Variants in RBFOX1 observed in about 807,000 individuals in gnomAD.
The protein encoded by RBFOX1 is RNA binding protein fox-1 homolog 1.
RBFOX1 carries 8 observed loss-of-function variants against 57.7 expected under a neutral mutation model. That is an observed-to-expected ratio of 0.14 (90% CI 0.08 to 0.25). RBFOX1 has a LOEUF of 0.25. Among genes scored for constraint, RBFOX1 ranks in the 10% least tolerant of loss-of-function variants. The pLI, the probability that RBFOX1 is intolerant of heterozygous loss-of-function variation, is 1.00. For synonymous variants in RBFOX1, 326 were observed against 222.4 expected, an observed-to-expected ratio of 1.47 and a Z score of -4.15; for missense variants, 611 against 548.5, an observed-to-expected ratio of 1.11 and a Z score of -1.14.
At chr16:5,632,143 C>G (rs2048530609) in intron 3 of RBFOX1, among the ~76,000 whole-genome samples, 1 of 152,192 alleles carries the variant, frequency 6.6e-6, no homozygotes, top group East Asian at 1.9e-4. Flanking sequence ...ACACAGGATG[C>G]AGGTAAGCTA....
rs544827791 is a variant in RBFOX1 at position 5,950,890 on chromosome 16, G to T, written c.351+83555G>T. Among the ~76,000 whole-genome samples, 128 of 152,180 alleles carry T rather than the reference G, an allele frequency of 8.4e-4. 2 individuals carry two copies. Among genetic ancestry groups the T allele is most frequent in the South Asian group, 7.3e-3 (35 of 4,820 alleles). ...GGGAGCTAGGGGGAGATGGCATTAT[G>T]GGGGAGGGGCATCCAACCCAGGCCA... On this transcript the variant is annotated intron_variant, in intron 4 of 19. Transcript: ENST00000641259.
intron 13 of RBFOX1, among the ~76,000 whole-genome samples, chr16:7,668,882 G>A (rs1241202839): frequency 1.3e-5 from 2 of 152,114 alleles, no homozygotes; most frequent in African/African-American, 4.8e-5. Flanking sequence ...TAGATCTACA[G>A]AGTCTCTCAT....
chr16:5,550,131 C>G (rs2101375), intron 2 of RBFOX1, among the ~76,000 whole-genome samples: 1 of 152,204 alleles, frequency 6.6e-6, no homozygotes, highest in Non-Finnish European at 1.5e-5. Flanking sequence ...AAATTCACAT[C>G]TTCCAAACAA....
chr16:6,759,070 C>G (rs1360166978), intron 3 of RBFOX1, among the ~76,000 whole-genome samples: 1 of 151,878 alleles, frequency 6.6e-6, no homozygotes, highest in Admixed American at 6.6e-5. Flanking sequence ...CGTTATGAAA[C>G]AGAAAACAAG....
intron 3 of RBFOX1, among the ~76,000 whole-genome samples, chr16:5,786,343 C>A (rs1338806402): frequency 1.3e-5 from 2 of 152,124 alleles, no homozygotes; most frequent in Non-Finnish European, 2.9e-5. Flanking sequence ...GCCCTTCCAG[C>A]TGTCCCTTGA....
At chr16:6,689,442 T>C (rs1456341212) in intron 3 of RBFOX1, among the ~76,000 whole-genome samples, 2 of 152,170 alleles carry the variant, frequency 1.3e-5, no homozygotes, top group East Asian at 3.8e-4. Flanking sequence ...TTTTATATGG[T>C]AATTTCTTCT....
intron 4 of RBFOX1, among the ~76,000 whole-genome samples, chr16:7,420,196 A>T (rs1262469645): frequency 1.3e-5 from 2 of 152,088 alleles, no homozygotes; most frequent in African/African-American, 4.8e-5. Context: ...AATTATACAG[A>T]TGGGGCACAT....
At chr16:7,486,219 T>C (rs1599688733) in intron 4 of RBFOX1, among the ~76,000 whole-genome samples, 1 of 141,918 alleles carries the variant, frequency 7.0e-6, no homozygotes, top group Non-Finnish European at 1.5e-5. Flanking sequence ...GACTCCCGGG[T>C]TCAAGTGATT....
intron 4 of RBFOX1, among the ~76,000 whole-genome samples, chr16:7,074,296 G>A (rs571989932): frequency 1.3e-5 from 2 of 152,174 alleles, no homozygotes; most frequent in African/African-American, 2.4e-5. Flanking sequence ...CTCAGAAATC[G>A]AATGAAAACC....
In RBFOX1 at chr16:6,971,008, C is replaced by T. The variant is rs187312437; in HGVS notation, c.-15-81049C>T. ...TGATCATAGAATGTTTAACAGTTTCCTTCAACAGATATTTCTTGAGAACCA... is the reference window on the plus strand; with the variant it reads ...TGATCATAGAATGTTTAACAGTTTCTTTCAACAGATATTTCTTGAGAACCA... On this transcript the variant is annotated intron_variant, in intron 3 of 15. Coordinates refer to ENST00000550418, the MANE Select transcript of RBFOX1 (RefSeq NM_018723.4). Among the ~76,000 whole-genome samples, 272 of 152,312 alleles carry T rather than the reference C, an allele frequency of 1.8e-3. 2 individuals are homozygous for T. The highest frequency in any genetic ancestry group is 6.5e-3 in the African/African-American group (270 of 41,582).
intron 1 of RBFOX1, among the ~76,000 whole-genome samples, chr16:6,117,257 G>T (rs781754910): frequency 3.9e-5 from 6 of 152,016 alleles, no homozygotes; most frequent in Non-Finnish European, 8.8e-5. Context: ...GGAATTTGTG[G>T]ACATGTTTGG....
At chr16:6,958,427 A>G (rs2082302734) in intron 3 of RBFOX1, among the ~76,000 whole-genome samples, 1 of 152,202 alleles carries the variant, frequency 6.6e-6, no homozygotes, top group Non-Finnish European at 1.5e-5. Flanking sequence ...TATCATTAAT[A>G]AAGCATTGGG....
At chr16:6,675,153 C>T (rs28581952) in intron 3 of RBFOX1, among the ~76,000 whole-genome samples, 87,948 of 151,900 alleles carry the variant, frequency 0.58, 27,575 homozygotes, top group South Asian at 0.74. Context: ...ATCCGCCCAC[C>T]TCGGCCTCCC....
At chr16:6,413,603 A>G (rs368764832) in intron 2 of RBFOX1, among the ~76,000 whole-genome samples, 3 of 152,198 alleles carry the variant, frequency 2.0e-5, no homozygotes, top group African/African-American at 7.2e-5. Context: ...CAATTGACAG[A>G]GAAAGAAAGA....
chr16:6,998,123 A>G (rs1358209820), intron 3 of RBFOX1, among the ~76,000 whole-genome samples: 1 of 152,138 alleles, frequency 6.6e-6, no homozygotes, highest in African/African-American at 2.4e-5. Flanking sequence ...CATATGTAGT[A>G]TATAATTATC....
intron 2 of RBFOX1, among the ~76,000 whole-genome samples, chr16:6,502,896 A>T (rs933923231): frequency 6.6e-6 from 1 of 152,176 alleles, no homozygotes; most frequent in Non-Finnish European, 1.5e-5. Context: ...GCCATGTTAC[A>T]ACTTGTAAAC....
At chr16:6,018,994 G>A (rs1005796818), upstream of RBFOX1, 11 of 761,632 alleles carry the variant, frequency 1.4e-5, no homozygotes, top group Admixed American at 6.3e-5. Context: ...CTGGCGAGGG[G>A]AAGGGGGAGG....
At chr16:5,383,040 C>T (rs1057225125) in intron 1 of RBFOX1, among the ~76,000 whole-genome samples, 20 of 152,168 alleles carry the variant, frequency 1.3e-4, no homozygotes, top group African/African-American at 3.6e-4. Flanking sequence ...TGCTATAAAG[C>T]GACCACCTCT....
At chr16:5,969,695 T>C (rs1388691617) in intron 4 of RBFOX1, among the ~76,000 whole-genome samples, 1 of 152,068 alleles carries the variant, frequency 6.6e-6, no homozygotes, top group Non-Finnish European at 1.5e-5. Flanking sequence ...CAGAGCTCCC[T>C]CTTTTGTTGT....
Sources: gnomAD v4.1 joint callset for allele counts (sites outside exome capture counted in the v4.1 genomes callset) on GRCh38, gnomAD v4.1.1 for gene constraint, MANE v1.5 for transcripts, NCBI Gene and HGNC (gene_info 2026-07-23, HGNC 2026-07-21) for gene names.